MGLL: variants seen among roughly 807,000 people sequenced by gnomAD.
MGLL encodes the protein lysophospholipase homolog.
In MGLL, 7 loss-of-function variants were observed where a neutral mutation model predicts 29.1. The observed-to-expected ratio is 0.24, with a 90% confidence interval of 0.14 to 0.45. The LOEUF is 0.45. Among genes scored for constraint, MGLL ranks in the 20% least tolerant of loss-of-function variants. The pLI is 0.99. For missense variants in MGLL, 356 were observed against 413.6 expected, an observed-to-expected ratio of 0.86 and a Z score of 1.21; for synonymous variants, 148 against 168.3, an observed-to-expected ratio of 0.88 and a Z score of 0.93.
chr3:127,771,145 T>A (rs1041932172), intron 3 of MGLL, among the ~76,000 whole-genome samples: 1 of 152,160 alleles, frequency 6.6e-6, no homozygotes, highest in Admixed American at 6.5e-5. Context: ...ACCAAGCCCA[T>A]GTAAGCAGGA....
chr3:127,708,103 G>A (rs2075638505), intron 6 of MGLL, among the ~76,000 whole-genome samples: 2 of 152,188 alleles, frequency 1.3e-5, no homozygotes, highest in Admixed American at 1.3e-4. Flanking sequence ...GGCTTTTATA[G>A]CTGCAGGGTT....
At chr3:127,724,589 T>C (rs1158658577) in intron 3 of MGLL, among the ~76,000 whole-genome samples, 1 of 152,290 alleles carries the variant, frequency 6.6e-6, no homozygotes, top group East Asian at 1.9e-4. Context: ...AGAAGTGGGG[T>C]TGCTGGGTCA....
chr3:127,763,934 G>GA, intron 3 of MGLL, among the ~76,000 whole-genome samples: 1 of 152,312 alleles, frequency 6.6e-6, no homozygotes, highest in Non-Finnish European at 1.5e-5. Context: ...AGGAAAGGAA[G>GA]ACCCAGGTTC....
intron 3 of MGLL, among the ~76,000 whole-genome samples, chr3:127,775,946 C>T (rs1026556412): frequency 6.6e-6 from 1 of 152,216 alleles, no homozygotes; most frequent in Non-Finnish European, 1.5e-5. Flanking sequence ...CATGGAAGGC[C>T]AAGGGGTTTC....
intron 3 of MGLL, among the ~76,000 whole-genome samples, chr3:127,781,538 G>GTTCTGAGATGAA (rs1359710984): frequency 6.6e-6 from 1 of 152,242 alleles, no homozygotes; most frequent in Admixed American, 6.5e-5. Flanking sequence ...CCTCAGGCAA[G>GTTCTGAGATGAA]TTCTGAGATG....
rs540794020 is a variant in MGLL at position 127,689,307 on chromosome 3, G to C, written c.*2891C>G. 1 of 152,228 alleles carries C rather than the reference G, an allele frequency of 6.6e-6. No homozygotes were observed. The highest frequency in any genetic ancestry group is 2.4e-5 in the African/African-American group (1 of 41,426). 9.4% of individuals were successfully genotyped at this position (152,228 alleles called of 1,614,324 possible). A position where few individuals can be genotyped will look rare whatever the true frequency, so the allele number is the denominator to read the frequency against. On this transcript the variant is annotated 3_prime_UTR_variant, in exon 8 of 8. Coordinates refer to ENST00000265052, the MANE Select transcript of MGLL (RefSeq NM_007283.7). Reference sequence around the variant, plus strand: ...CAGGTGGGCCTGGAGGTGGGATCCTGTGGGTTTTCAGAGCACCCACCAGTG... The same window carrying C: ...CAGGTGGGCCTGGAGGTGGGATCCTCTGGGTTTTCAGAGCACCCACCAGTG...
At chr3:127,772,494 G>A (rs965564469) in intron 3 of MGLL, among the ~76,000 whole-genome samples, 2 of 152,202 alleles carry the variant, frequency 1.3e-5, no homozygotes, top group Admixed American at 6.5e-5. Flanking sequence ...GGAAGGTCAC[G>A]TGAACCGTCC....
At chr3:127,737,428 G>T (rs1265928427) in intron 3 of MGLL, among the ~76,000 whole-genome samples, 1 of 150,378 alleles carries the variant, frequency 6.6e-6, no homozygotes, top group East Asian at 2.0e-4. Flanking sequence ...GTGAGGGAGG[G>T]AATGGATGAT....
chr3:127,725,803 C>T (rs1486320495), intron 3 of MGLL, among the ~76,000 whole-genome samples: 2 of 152,150 alleles, frequency 1.3e-5, no homozygotes, highest in East Asian at 3.8e-4. Flanking sequence ...AGGTGGCTCA[C>T]ATCTGTAATC....
intron 2 of MGLL, among the ~76,000 whole-genome samples, chr3:127,816,744 T>C (rs2077763229): frequency 6.6e-6 from 1 of 152,138 alleles, no homozygotes; most frequent in Non-Finnish European, 1.5e-5. Context: ...GGGGTCAACA[T>C]GGGCCTAGAA....
intron 6 of MGLL, among the ~76,000 whole-genome samples, chr3:127,705,891 C>T (rs1310610151): frequency 1.3e-5 from 2 of 152,106 alleles, no homozygotes; most frequent in Non-Finnish European, 2.9e-5. Context: ...CAAAGCCACA[C>T]TGAGATGCCA....
At chr3:127,812,669 A>G (rs1173577839) in intron 2 of MGLL, among the ~76,000 whole-genome samples, 1 of 152,228 alleles carries the variant, frequency 6.6e-6, no homozygotes, top group Non-Finnish European at 1.5e-5. Context: ...GAGTCCCCAG[A>G]ACGATGGTGC....
At chr3:127,724,676 G>A (rs924169328) in intron 3 of MGLL, among the ~76,000 whole-genome samples, 1 of 152,142 alleles carries the variant, frequency 6.6e-6, no homozygotes, top group Non-Finnish European at 1.5e-5. Flanking sequence ...TGCAGCCGCT[G>A]CTCCTCCACA....
intron 2 of MGLL, among the ~76,000 whole-genome samples, chr3:127,795,111 C>T (rs780596987): frequency 2.6e-5 from 4 of 152,178 alleles, no homozygotes; most frequent in Admixed American, 6.5e-5. Context: ...ATAGCAAAGA[C>T]ATGGAATCAA....
intron 6 of MGLL, among the ~76,000 whole-genome samples, chr3:127,698,566 G>A (rs1254904886): frequency 3.3e-5 from 5 of 152,162 alleles, no homozygotes; most frequent in African/African-American, 9.7e-5. Flanking sequence ...CCAGACTCAC[G>A]GCTCTCAGGG....
intron 3 of MGLL, among the ~76,000 whole-genome samples, chr3:127,741,186 C>T (rs1202201052): frequency 6.6e-6 from 1 of 152,256 alleles, no homozygotes; most frequent in Non-Finnish European, 1.5e-5. Context: ...TTCTTCATCA[C>T]AGGAAACACA....
chr3:127,774,897 A>G (rs1472256352), intron 3 of MGLL, among the ~76,000 whole-genome samples: 2 of 152,192 alleles, frequency 1.3e-5, no homozygotes, highest in South Asian at 2.1e-4. Context: ...GCCACAGAGC[A>G]ACCTTGTTAT....
intron 2 of MGLL, among the ~76,000 whole-genome samples, chr3:127,806,877 A>AT (rs2107744976): frequency 6.6e-6 from 1 of 152,326 alleles, no homozygotes; most frequent in South Asian, 2.1e-4. Context: ...AAATACAAAA[A>AT]TTAGCCAGAT....
Position 127,747,119 on chromosome 3 carries a change from C to T in MGLL, c.263-24553G>A, listed in dbSNP as rs865876730. Among the ~76,000 whole-genome samples the T allele has an allele frequency of 4.1e-4, 63 of 152,192 alleles. 1 individual carries two copies. The highest frequency in any genetic ancestry group is 1.4e-3 in the African/African-American group (59 of 41,442). On this transcript the variant is annotated intron_variant, in intron 3 of 7. Coordinates refer to ENST00000265052, the MANE Select transcript of MGLL (RefSeq NM_007283.7). Reference sequence around the variant, plus strand: ...CCTCCACTTAAGTGGACATAAGGAGCTCCTCAGCCCCCTCTTCAGTACCTG... The same window carrying T: ...CCTCCACTTAAGTGGACATAAGGAGTTCCTCAGCCCCCTCTTCAGTACCTG...
Sources: gnomAD v4.1 joint callset for allele counts (sites outside exome capture counted in the v4.1 genomes callset) on GRCh38, gnomAD v4.1.1 for gene constraint, MANE v1.5 for transcripts, NCBI Gene and HGNC (gene_info 2026-07-23, HGNC 2026-07-21) for gene names.